Variants in RARA observed in about 807,000 individuals in gnomAD.
RARA encodes retinoic acid receptor alpha.
RARA carries 5 observed loss-of-function variants against 42.8 expected under a neutral mutation model. The ratio of observed to expected loss-of-function variants is 0.12; its 90% confidence interval spans 0.06 to 0.25. The LOEUF is 0.25. Ranked by LOEUF, RARA falls within the 10% of genes least tolerant of loss-of-function variation. RARA has a pLI of 1.00. For synonymous variants in RARA, 256 were observed against 259.5 expected (o/e 0.99, Z 0.13); for missense variants, 402 against 628.7 (o/e 0.64, Z 3.86).
intron 1 of RARA, among the ~76,000 whole-genome samples, chr17:40,314,622 G>T (rs1388143048): frequency 6.6e-6 from 1 of 152,100 alleles, no homozygotes; most frequent in Non-Finnish European, 1.5e-5. Flanking sequence ...GCCCCAGAAT[G>T]CTGAGGCCCA....
rs1483132746 is a variant in RARA at position 40,355,372 on chromosome 17, C to T, written c.1122C>T (p.Phe374=). ...RKRRPSRPHM[F]PKMLMKITDL... The stretch of plus-strand genomic sequence containing the variant: ...GGAGGCCCAGCCGCCCCCACATGTT[C>T]CCCAAGATGCTAATGAAGATTACTG... The change falls in exon 8 of 9, where the codon TTC becomes TTT. Residue 374 remains phenylalanine (F), a synonymous_variant. Transcript: ENST00000254066. This position sits in a 1 kb window ranked among gnomAD's most constrained non-coding sequence, Gnocchi z 4.1. The T allele has an allele frequency of 1.2e-6, 2 of 1,613,968 alleles. No individual in the cohort carries two copies. Among genetic ancestry groups the T allele is most frequent in the South Asian group, 1.1e-5 (1 of 91,052 alleles).
chr17:40,312,199 G>A (rs910767789), intron 1 of RARA, among the ~76,000 whole-genome samples: 3 of 152,184 alleles, frequency 2.0e-5, no homozygotes, highest in African/African-American at 7.2e-5. Context: ...CAATGTGGTT[G>A]GCACTGATTT....
At chr17:40,340,026 G>A (rs1041054358) in intron 2 of RARA, among the ~76,000 whole-genome samples, 2 of 152,178 alleles carry the variant, frequency 1.3e-5, no homozygotes, top group African/African-American at 2.4e-5. Flanking sequence ...CAGCAGCCCA[G>A]TGGACTTCTC....
chr17:40,348,448 C>T lies in RARA; in HGVS notation c.311C>T (p.Ala104Val). The T allele has an allele frequency of 6.2e-7, 1 of 1,612,578 alleles. No individual in the cohort carries two copies. Among genetic ancestry groups the T allele is most frequent in the Non-Finnish European group, 8.5e-7 (1 of 1,179,232 alleles). ...KSSGYHYGVS[A>V]CEGCKGFFRR... is the part of the protein sequence containing the mutation. ...TCAGGCTACCACTATGGGGTCAGCG[C>T]CTGTGAGGGCTGCAAGGTGAGTTGA... is the stretch of plus-strand genomic sequence containing the variant. Residue 104 changes from alanine (A) to valine (V), a missense_variant, in exon 3 of 9, where the codon GCC becomes GTC. By Grantham distance (64) the Ala-to-Val change is moderately conservative (BLOSUM62 0). This residue lies in a region of RARA where 130 missense variants were observed against 267.9 expected (regional missense o/e 0.49). Coordinates refer to ENST00000254066, the MANE Select transcript of RARA (RefSeq NM_000964.4).
rs1245976828 is a variant in RARA at position 40,354,859 on chromosome 17, G to GT, written c.1012+354dup. 3.9e-5 allele frequency among the ~76,000 whole-genome samples: 6 copies of GT among 152,212 alleles called. No individual in the cohort carries two copies. The highest frequency in any genetic ancestry group is 8.8e-5 in the Non-Finnish European group (6 of 68,042). ...TGAAGTTGATGGGAGGATTACGGTG[G>GT]TAACAGATACTGTGCAGGTGCCCAG... On this transcript the variant is annotated intron_variant, in intron 7 of 8. Transcript: ENST00000254066. This position sits in a 1 kb window ranked among gnomAD's most constrained non-coding sequence, Gnocchi z 4.5.
chr17:40,323,636 G>A (rs897343071), intron 1 of RARA, among the ~76,000 whole-genome samples: 4 of 151,600 alleles, frequency 2.6e-5, no homozygotes, highest in African/African-American at 4.9e-5. Flanking sequence ...CTATCCACCT[G>A]TGGGCTTCCC....
chr17:40,333,167 G>A (rs1240365086), intron 2 of RARA, among the ~76,000 whole-genome samples: 6 of 152,112 alleles, frequency 3.9e-5, no homozygotes, highest in South Asian at 2.1e-4. Flanking sequence ...CTTCCGCTTC[G>A]GCCTCCCATG....
At position 40,331,042 on chromosome 17, in the gene RARA, T is replaced by C. The variant is rs2033677398; in HGVS notation, c.-177T>C. 1.5e-6 allele frequency: 1 copy of C among 672,670 alleles called. No homozygotes were observed. Among genetic ancestry groups the C allele is most frequent in the African/African-American group, 1.9e-5 (1 of 53,758 alleles). 41.7% of individuals were successfully genotyped at this position (672,670 alleles called of 1,614,324 possible). ...CCTGGCCCCCAGCTAGGGTGGGGGC[T>C]CCAGGAGACTGAGATTAGCCTGCCC... On this transcript the variant is annotated 5_prime_UTR_variant, in exon 2 of 9. Transcript: ENST00000254066.
At chr17:40,335,992 C>T (rs910318889) in intron 2 of RARA, among the ~76,000 whole-genome samples, 5 of 152,202 alleles carry the variant, frequency 3.3e-5, no homozygotes, top group African/African-American at 4.8e-5. Flanking sequence ...GGTGACAGAG[C>T]AAGACCCTGT....
At chr17:40,342,438 G>C in intron 2 of RARA, 1 of 1,199,386 alleles carries the variant, frequency 8.3e-7, no homozygotes, top group Non-Finnish European at 1.0e-6. Context: ...TGAGTTCCCG[G>C]GCCCCGCCAG....
rs2033546088 is a variant in RARA at position 40,326,359 on chromosome 17, A to C, written c.-362-4498A>C. 1 of 152,202 alleles carries C rather than the reference A, an allele frequency of 6.6e-6. No individual in the cohort carries two copies. The highest frequency in any genetic ancestry group is 1.5e-5 in the Non-Finnish European group (1 of 68,046). The allele number at this position is 152,202 out of a possible 1,614,324, so 9.4% of individuals were successfully genotyped here. On this transcript the variant is annotated intron_variant, in intron 1 of 8. Coordinates refer to ENST00000254066, the MANE Select transcript of RARA (RefSeq NM_000964.4). The surrounding 1 kb of genome is among the most constrained non-coding windows in gnomAD (Gnocchi z 5.2). ...CAGGCGAGTAAACAGATGCTTAGAG[A>C]GGTTAAGTGACTTGCGTAAGGTCAC...
At chr17:40,339,847 T>G (rs568949669) in intron 2 of RARA, among the ~76,000 whole-genome samples, 1 of 152,328 alleles carries the variant, frequency 6.6e-6, no homozygotes, top group South Asian at 2.1e-4. Context: ...GCCTTGCAGC[T>G]GTGAGCGCAG....
intron 1 of RARA, among the ~76,000 whole-genome samples, chr17:40,325,734 C>A (rs1009849884): frequency 3.9e-5 from 6 of 152,194 alleles, no homozygotes; most frequent in Admixed American, 2.6e-4. Context: ...GCTTAGGAAA[C>A]CCCCAGTCTC....
chr17:40,318,742 T>A (rs2033278377), intron 1 of RARA, among the ~76,000 whole-genome samples: 1 of 152,242 alleles, frequency 6.6e-6, no homozygotes, highest in Admixed American at 6.5e-5. Flanking sequence ...GGAACTTCTG[T>A]TCTTTTTCTC....
chr17:40,312,622 A>G (rs369482245), intron 1 of RARA, among the ~76,000 whole-genome samples: 13 of 152,136 alleles, frequency 8.5e-5, no homozygotes, highest in Non-Finnish European at 1.9e-4. Context: ...AGAAGACAGC[A>G]AGGAGGCATG....
rs942073826 is a variant in RARA, at chr17:40,355,436, C to T, written c.1171+15C>T. 2 of 1,605,004 alleles carry T rather than the reference C, an allele frequency of 1.2e-6. No individual in the cohort carries two copies. The highest frequency in any genetic ancestry group is 2.7e-5 in the African/African-American group (2 of 74,728). On this transcript the variant is annotated intron_variant, in intron 8 of 8. Coordinates refer to ENST00000254066, the MANE Select transcript of RARA (RefSeq NM_000964.4). The surrounding 1 kb of genome is among the most constrained non-coding windows in gnomAD (Gnocchi z 4.1). ...CAGCGCCAAGGGTGAGGCTCACAGA[C>T]CTGGAGGGGTACCGGCCCCCGACAC... is the stretch of plus-strand genomic sequence containing the variant.
intron 2 of RARA, among the ~76,000 whole-genome samples, chr17:40,333,211 G>A (rs1005798942): frequency 1.3e-5 from 2 of 152,088 alleles, no homozygotes; most frequent in African/African-American, 2.4e-5. Context: ...CACCATGCCC[G>A]GCTACTTTTG....
chr17:40,344,783 T>C (rs563371518), intron 2 of RARA, among the ~76,000 whole-genome samples: 2 of 152,086 alleles, frequency 1.3e-5, no homozygotes, highest in East Asian at 3.9e-4. Flanking sequence ...GGCTGTGAGG[T>C]TGGGAGTGAT....
chr17:40,334,268 C>T lies in RARA; in HGVS notation c.178+2872C>T, dbSNP rs371950150. Among the ~76,000 whole-genome samples, 171 of 152,314 alleles carry T rather than the reference C, an allele frequency of 1.1e-3. 1 individual carries two copies. The highest frequency in any genetic ancestry group is 7.1e-3 in the East Asian group (37 of 5,188). On this transcript the variant is annotated intron_variant, in intron 2 of 8. Transcript: ENST00000254066. ...CATTTCAGGCAAGTGTAGCCTTCTT[C>T]GGCTTTCTCCACCCAGGTTAGGCAA...
Sources: allele counts gnomAD v4.1 joint callset (sites outside exome capture counted in the v4.1 genomes callset), GRCh38; gene constraint gnomAD v4.1.1; regional missense constraint gnomAD v4.1.1; non-coding constraint Gnocchi (gnomAD v3.1); transcripts MANE v1.5; gene names NCBI Gene and HGNC (gene_info 2026-07-23, HGNC 2026-07-21).